Variants in SP6 observed in about 807,000 individuals in gnomAD.
The protein encoded by SP6 is transcription factor Sp6.
Under a neutral mutation model 23.4 loss-of-function variants are expected in SP6, and 10 were observed. That is an observed-to-expected ratio of 0.43 (90% confidence interval 0.26 to 0.72). SP6 has a LOEUF of 0.72. Ranked by LOEUF, SP6 falls within the 30% of genes least tolerant of loss-of-function variation. SP6 has a pLI of 0.23. For synonymous variants in SP6, 238 were observed against 238.7 expected, an observed-to-expected ratio of 1.00 and a Z score of 0.03; for missense variants, 482 against 523.8, an observed-to-expected ratio of 0.92 and a Z score of 0.78.
the SP6 span, among the ~76,000 whole-genome samples, chr17:47,864,230 A>T: frequency 6.6e-6 from 1 of 151,204 alleles, no homozygotes; most frequent in Non-Finnish European, 1.5e-5. Context: ...TGAGTCTTTG[A>T]GTCTTTTTTC....
At chr17:47,857,215 G>A (rs1416205657), upstream of SP6, among the ~76,000 whole-genome samples, 1 of 152,142 alleles carries the variant, frequency 6.6e-6, no homozygotes, top group Non-Finnish European at 1.5e-5. Context: ...GCTCCAGGGA[G>A]GGGCTTCCCT....
Position 47,845,850 on chromosome 17 carries a change from G to T in SP6, c.*1449C>A, listed in dbSNP as rs951143984. The stretch of plus-strand genomic sequence containing the variant: ...GGGAGGGGTGTCAGAGGGACTGTAA[G>T]GCCCCTCTCTTGAGTGTGGGAAAGC... On this transcript the variant is annotated 3_prime_UTR_variant, in exon 2 of 2. Coordinates refer to ENST00000536300, the MANE Select transcript of SP6 (RefSeq NM_001258248.2). 3 of 152,230 alleles carry T rather than the reference G, an allele frequency of 2.0e-5. No individual in the cohort carries two copies. The highest frequency in any genetic ancestry group is 4.4e-5 in the Non-Finnish European group (3 of 68,064). The allele number at this position is 152,230 out of a possible 1,614,324, so 9.4% of individuals were successfully genotyped here.
chr17:47,860,593 A>G (rs138018874), upstream of SP6, among the ~76,000 whole-genome samples: 1,789 of 152,088 alleles, frequency 0.012, 37 homozygotes, highest in African/African-American at 0.041. Flanking sequence ...GCTGGGTGCA[A>G]TGGCCCATGC....
chr17:47,873,860 C>T, the SP6 span, among the ~76,000 whole-genome samples: 2 of 143,680 alleles, frequency 1.4e-5, no homozygotes, highest in Non-Finnish European at 3.1e-5. Context: ...CCTCCTCCTC[C>T]TCTTCTTCTT....
the SP6 span, among the ~76,000 whole-genome samples, chr17:47,869,829 A>T: frequency 6.6e-6 from 1 of 152,196 alleles, no homozygotes; most frequent in South Asian, 2.1e-4. Flanking sequence ...AAATTCACCC[A>T]GTTTTGTGCT....
chr17:47,873,764 C>G, the SP6 span, among the ~76,000 whole-genome samples: 1 of 152,064 alleles, frequency 6.6e-6, no homozygotes, highest in Non-Finnish European at 1.5e-5. Context: ...TAGGATGAAC[C>G]CCAGCCATTG....
At chr17:47,873,912 TCTTC>T in the SP6 span, among the ~76,000 whole-genome samples, 9 of 146,690 alleles carry the variant, frequency 6.1e-5, no homozygotes, top group South Asian at 2.3e-4. Context: ...CGCCTCCTAC[TCTTC>T]CTTCTTCTTC....
At chr17:47,850,388 T>C (rs537529091) in intron 1 of SP6, among the ~76,000 whole-genome samples, 30 of 151,670 alleles carry the variant, frequency 2.0e-4, no homozygotes, top group African/African-American at 4.6e-4. Flanking sequence ...CCCAGGAGAA[T>C]AGAGGAGGGG....
In SP6 at chr17:47,850,571, A is replaced by AC. The variant is rs567366494; in HGVS notation, c.-58+347dup. Among the ~76,000 whole-genome samples, 12 of 152,356 alleles carry AC rather than the reference A, an allele frequency of 7.9e-5. No individual in the cohort carries two copies. In the South Asian group the frequency reaches 2.3e-3, roughly 29 times the overall value. ...GAAAGAGTTCAGGAAAGGAGAGAGC[A>AC]CAGCGTACATCGCAGGCTTCTCGCT... On this transcript the variant is annotated intron_variant, in intron 1 of 1. Transcript: ENST00000536300.
chr17:47,854,020 G>T (rs752923884), upstream of SP6, among the ~76,000 whole-genome samples: 4 of 152,122 alleles, frequency 2.6e-5, no homozygotes, highest in Non-Finnish European at 4.4e-5. Context: ...TATACTTATT[G>T]CTACTCAAAA....
chr17:47,870,422 A>T, the SP6 span, among the ~76,000 whole-genome samples: 3 of 152,190 alleles, frequency 2.0e-5, no homozygotes, highest in African/African-American at 2.4e-5. Context: ...TCATCAAATG[A>T]CATCCCTGCT....
At chr17:47,875,778 T>A in the SP6 span, among the ~76,000 whole-genome samples, 1 of 152,214 alleles carries the variant, frequency 6.6e-6, no homozygotes, top group Non-Finnish European at 1.5e-5. Flanking sequence ...CTGACCTGAG[T>A]TGTGTAACAG....
chr17:47,868,897 G>C, the SP6 span, among the ~76,000 whole-genome samples: 7 of 152,226 alleles, frequency 4.6e-5, no homozygotes, highest in African/African-American at 1.7e-4. Flanking sequence ...CAGATGAAAG[G>C]GCGTCTTTGA....
chr17:47,851,823 C>G (rs1235418769), upstream of SP6, among the ~76,000 whole-genome samples: 2 of 151,370 alleles, frequency 1.3e-5, no homozygotes, highest in Non-Finnish European at 2.9e-5. Flanking sequence ...CCTCTCTGAC[C>G]TTTCTGGGTG....
chr17:47,865,734 A>C, the SP6 span, among the ~76,000 whole-genome samples: 4 of 152,134 alleles, frequency 2.6e-5, no homozygotes, highest in African/African-American at 7.2e-5. Flanking sequence ...AACAGCATCC[A>C]AATGCTGCTG....
chr17:47,850,154 G>A (rs902420824), intron 1 of SP6, among the ~76,000 whole-genome samples: 1 of 152,202 alleles, frequency 6.6e-6, no homozygotes, highest in African/African-American at 2.4e-5. Context: ...TTTGGTGCCT[G>A]GGAACTGCCC....
upstream of SP6, among the ~76,000 whole-genome samples, chr17:47,854,132 A>C (rs1366695096): frequency 2.6e-5 from 4 of 152,106 alleles, no homozygotes; most frequent in Non-Finnish European, 5.9e-5. Context: ...AAATAGTCAG[A>C]TTTCCCCTGC....
the SP6 span, among the ~76,000 whole-genome samples, chr17:47,870,233 GCTGT>G: frequency 1.2e-4 from 19 of 152,164 alleles, no homozygotes; most frequent in Admixed American, 4.6e-4. Context: ...TGGGATCCCT[GCTGT>G]CCTCTGCCCT....
chr17:47,856,523 G>A (rs2033999836), upstream of SP6, among the ~76,000 whole-genome samples: 1 of 152,160 alleles, frequency 6.6e-6, no homozygotes, highest in Admixed American at 6.5e-5. Flanking sequence ...GGGGCCTGAA[G>A]GTGAATTTAG....
Sources: gnomAD v4.1 joint callset for allele counts (sites outside exome capture counted in the v4.1 genomes callset) on GRCh38, gnomAD v4.1.1 for gene constraint, MANE v1.5 for transcripts, NCBI Gene and HGNC (gene_info 2026-07-23, HGNC 2026-07-21) for gene names.